EXT1: variants seen among roughly 807,000 people sequenced by gnomAD.
EXT1 encodes exostosin glycosyltransferase 1, also known as exostosin-1.
EXT1 carries 20 observed loss-of-function variants against 82.5 expected under a neutral mutation model. The ratio of observed to expected loss-of-function variants is 0.24; its 90% CI spans 0.17 to 0.35. The LOEUF (loss-of-function observed/expected upper bound fraction) is 0.35. Ranked by LOEUF, EXT1 falls within the 10% of genes least tolerant of loss-of-function variation. The pLI is 1.00. For synonymous variants in EXT1, 348 were observed against 350.8 expected (o/e 0.99, Z 0.09); for missense variants, 757 against 936.5 (o/e 0.81, Z 2.50).
chr8:118,095,052 C>G (rs775611465), intron 1 of EXT1, among the ~76,000 whole-genome samples: 9 of 152,162 alleles, frequency 5.9e-5, no homozygotes, highest in Non-Finnish European at 1.3e-4. Context: ...GTGACAGCTT[C>G]AATCAGAGGT....
Position 118,083,826 on chromosome 8 carries a change from G to A in EXT1, c.962+26259C>T, listed in dbSNP as rs1019691036. 3.9e-5 allele frequency among the ~76,000 whole-genome samples: 6 copies of A among 152,026 alleles called. No individual in the cohort carries two copies. The East Asian group carries it at 1.2e-3, about 30-fold the overall frequency. On this transcript the variant is annotated intron_variant, in intron 1 of 10. Coordinates refer to ENST00000378204, the MANE Select transcript of EXT1 (RefSeq NM_000127.3). ...GCAGATCACTTGGGGTCAGGAGTTC[G>A]AGACCAGCCTGGCCAACATGGTGAA...
intron 1 of EXT1, among the ~76,000 whole-genome samples, chr8:117,868,170 C>A (rs1812807196): frequency 6.6e-6 from 1 of 152,162 alleles, no homozygotes; most frequent in African/African-American, 2.4e-5. Context: ...TCAAGAGAGG[C>A]TAAGGCGATT....
At chr8:117,839,218 C>G (rs1482466112) in intron 1 of EXT1, among the ~76,000 whole-genome samples, 1 of 152,064 alleles carries the variant, frequency 6.6e-6, no homozygotes, top group Non-Finnish European at 1.5e-5. Flanking sequence ...GTTAGGAAAC[C>G]ACTAGGTAGC....
intron 1 of EXT1, among the ~76,000 whole-genome samples, chr8:118,053,049 T>C (rs1816743737): frequency 6.6e-6 from 1 of 152,196 alleles, no homozygotes; most frequent in African/African-American, 2.4e-5. Flanking sequence ...GGTCTCACCA[T>C]CATCAGAGTG....
intron 1 of EXT1, among the ~76,000 whole-genome samples, chr8:117,918,787 A>G (rs543421346): frequency 1.3e-5 from 2 of 152,312 alleles, no homozygotes; most frequent in Admixed American, 1.3e-4. Context: ...CAACCAACCC[A>G]GTCAAGGCAC....
At chr8:117,882,941 C>T (rs1813085589) in intron 1 of EXT1, among the ~76,000 whole-genome samples, 2 of 148,138 alleles carry the variant, frequency 1.4e-5, no homozygotes, top group Admixed American at 1.3e-4. Flanking sequence ...CATGCCACTG[C>T]ACTCCGGCCT....
At chr8:118,086,156 G>C (rs988491708) in intron 1 of EXT1, among the ~76,000 whole-genome samples, 1 of 152,170 alleles carries the variant, frequency 6.6e-6, no homozygotes, top group East Asian at 1.9e-4. Context: ...AGATAAAATA[G>C]AAAGTCTAGG....
At chr8:117,907,417 T>A (rs540472231) in intron 1 of EXT1, among the ~76,000 whole-genome samples, 14 of 152,336 alleles carry the variant, frequency 9.2e-5, no homozygotes, top group African/African-American at 3.4e-4. Flanking sequence ...TGTTTCATCA[T>A]GATGGTTCCC....
rs1563874289 is a variant in EXT1 at position 117,809,245 on chromosome 8, T to TATATATATGTATATATA, written c.1723-1869_1723-1868insTATATATACATATATAT. On this transcript the variant is annotated intron_variant, in intron 8 of 10. Coordinates refer to ENST00000378204, the MANE Select transcript of EXT1 (RefSeq NM_000127.3). The stretch of plus-strand genomic sequence containing the variant: ...TATATATATATATATATATATATAT[T>TATATATATGTATATATA]ATGTTCTATTGATTCTGTTTGCCTG... 8.0e-4 allele frequency among the ~76,000 whole-genome samples: 53 copies of TATATATATGTATATATA among 66,086 alleles called. 1 individual carries two copies. The highest frequency in any genetic ancestry group is 2.0e-3 in the African/African-American group (51 of 25,406). The allele number at this position is 66,086 out of a possible 152,430, so 43.4% of individuals were successfully genotyped here.
chr8:117,867,796 C>G (rs1321815775), intron 1 of EXT1, among the ~76,000 whole-genome samples: 3 of 152,176 alleles, frequency 2.0e-5, no homozygotes, highest in Non-Finnish European at 4.4e-5. Flanking sequence ...ACCAACCAGC[C>G]TGGTAATGGT....
chr8:117,875,388 T>C (rs1812950538), intron 1 of EXT1, among the ~76,000 whole-genome samples: 1 of 151,688 alleles, frequency 6.6e-6, no homozygotes, highest in Non-Finnish European at 1.5e-5. Context: ...GCCACTGCAC[T>C]CCAGCCTGGG....
At chr8:117,957,601 G>C (rs1478328505) in intron 1 of EXT1, among the ~76,000 whole-genome samples, 1 of 152,146 alleles carries the variant, frequency 6.6e-6, no homozygotes, top group Non-Finnish European at 1.5e-5. Context: ...AAGATCAGAG[G>C]GGTTTATAAA....
In EXT1 at chr8:117,827,374, A is replaced by G. The variant is rs1031327099; in HGVS notation, c.1284+2856T>C. Among the ~76,000 whole-genome samples, 12 of 152,332 alleles carry G rather than the reference A, an allele frequency of 7.9e-5. No individual in the cohort carries two copies. In the South Asian group the frequency reaches 2.3e-3, roughly 29 times the overall value. ...TATTGGTTTAAGTAAATAGAAGTTCACAATAGGATGCATAATAGAGTAAAA... is the reference window on the plus strand; with the variant it reads ...TATTGGTTTAAGTAAATAGAAGTTCGCAATAGGATGCATAATAGAGTAAAA... On this transcript the variant is annotated intron_variant, in intron 4 of 10. Transcript: ENST00000378204.
intron 1 of EXT1, among the ~76,000 whole-genome samples, chr8:117,970,864 AG>A (rs1814925653): frequency 6.6e-6 from 1 of 152,214 alleles, no homozygotes; most frequent in Admixed American, 6.5e-5. Flanking sequence ...GCCACTCACA[AG>A]CGGTGAATCC....
intron 1 of EXT1, among the ~76,000 whole-genome samples, chr8:118,103,959 A>C (rs1817767283): frequency 6.6e-6 from 1 of 152,248 alleles, no homozygotes; most frequent in East Asian, 1.9e-4. Context: ...CTCACGCTTC[A>C]CGTATTAAAA....
chr8:117,862,452 G>C (rs1193272499), intron 1 of EXT1, among the ~76,000 whole-genome samples: 2 of 145,760 alleles, frequency 1.4e-5, no homozygotes, highest in Non-Finnish European at 3.1e-5. Context: ...GGTGGAGACT[G>C]GTGGGATTAG....
intron 4 of EXT1, among the ~76,000 whole-genome samples, chr8:117,828,806 G>GCCT (rs1812049849): frequency 3.3e-5 from 5 of 152,028 alleles, no homozygotes; most frequent in Admixed American, 3.3e-4. Flanking sequence ...GTTCCAGGAT[G>GCCT]AAAAAAATAC....
chr8:117,953,837 G>A (rs1434088125), intron 1 of EXT1, among the ~76,000 whole-genome samples: 1 of 152,050 alleles, frequency 6.6e-6, no homozygotes, highest in Non-Finnish European at 1.5e-5. Context: ...ATGAACCCGG[G>A]TGGCGGAGGT....
intron 1 of EXT1, among the ~76,000 whole-genome samples, chr8:118,018,791 G>A (rs1816048489): frequency 1.3e-5 from 2 of 152,144 alleles, no homozygotes; most frequent in Non-Finnish European, 2.9e-5. Context: ...CCAAAAGGCT[G>A]AAGTTCCAAA....
Sources: gnomAD v4.1 joint callset for allele counts (sites outside exome capture counted in the v4.1 genomes callset) on GRCh38, gnomAD v4.1.1 for gene constraint, MANE v1.5 for transcripts, NCBI Gene and HGNC (gene_info 2026-07-23, HGNC 2026-07-21) for gene names.